Variants in PDE1C observed in about 807,000 individuals in gnomAD.
The protein encoded by PDE1C is dual specificity calcium/calmodulin-dependent 3',5'-cyclic nucleotide phosphodiesterase 1C.
In PDE1C, 62 loss-of-function variants were observed where a neutral mutation model predicts 93.1. That is an observed-to-expected ratio of 0.67 (90% CI 0.54 to 0.82). PDE1C has a LOEUF of 0.82. PDE1C is among the 40% of genes least tolerant of loss of function. PDE1C has a pLI of 0.00. For synonymous variants in PDE1C, 325 were observed against 310.1 expected, an observed-to-expected ratio of 1.05 and a Z score of -0.50; for missense variants, 742 against 884.6, an observed-to-expected ratio of 0.84 and a Z score of 2.04.
At chr7:32,411,391 T>C (rs748750626) in intron 1 of PDE1C, among the ~76,000 whole-genome samples, 3 of 152,222 alleles carry the variant, frequency 2.0e-5, no homozygotes, top group Admixed American at 6.5e-5. Context: ...GCTCCTAGGC[T>C]ACAAACCTAT....
the PDE1C span, among the ~76,000 whole-genome samples, chr7:31,677,428 G>T: frequency 6.6e-6 from 1 of 152,068 alleles, no homozygotes; most frequent in Non-Finnish European, 1.5e-5. Flanking sequence ...GACTGTAATG[G>T]CAAAATTAAA....
chr7:32,417,380 A>G (rs1785296784), intron 1 of PDE1C, among the ~76,000 whole-genome samples: 2 of 152,126 alleles, frequency 1.3e-5, no homozygotes, highest in South Asian at 4.2e-4. Flanking sequence ...CATGTCTAAT[A>G]ATAAAAACAC....
intron 3 of PDE1C, among the ~76,000 whole-genome samples, chr7:32,133,727 A>C (rs1800051605): frequency 6.6e-6 from 1 of 152,178 alleles, no homozygotes; most frequent in South Asian, 2.1e-4. Flanking sequence ...AAAATCTAGA[A>C]TCTCTGCAAT....
At chr7:32,136,710 G>A (rs963499837) in intron 3 of PDE1C, among the ~76,000 whole-genome samples, 4 of 152,166 alleles carry the variant, frequency 2.6e-5, no homozygotes, top group African/African-American at 4.8e-5. Context: ...TGGGAAGGCC[G>A]GAGCTGCTGA....
intron 1 of PDE1C, among the ~76,000 whole-genome samples, chr7:32,220,190 G>A (rs1203287485): frequency 1.3e-5 from 2 of 151,990 alleles, no homozygotes; most frequent in South Asian, 2.1e-4. Context: ...CAAGCTGGTT[G>A]CTCAAGCTGT....
the PDE1C span, among the ~76,000 whole-genome samples, chr7:31,699,710 C>G: frequency 6.6e-6 from 1 of 151,614 alleles, no homozygotes; most frequent in African/African-American, 2.4e-5. Context: ...TCCAGCAGCA[C>G]CATTTTTTCA....
intron 2 of PDE1C, among the ~76,000 whole-genome samples, chr7:32,170,200 G>T (rs143257341): frequency 8.9e-4 from 135 of 152,240 alleles, no homozygotes; most frequent in African/African-American, 2.7e-3. Context: ...TTGCAGTGGT[G>T]ATCAGCCCAA....
chr7:32,103,782 G>A (rs1798152690), intron 3 of PDE1C, among the ~76,000 whole-genome samples: 1 of 152,196 alleles, frequency 6.6e-6, no homozygotes, highest in Admixed American at 6.5e-5. Context: ...ATGCAGGGAA[G>A]AGATGAACTT....
chr7:32,114,162 T>C (rs1322093454), intron 3 of PDE1C, among the ~76,000 whole-genome samples: 1 of 150,754 alleles, frequency 6.6e-6, no homozygotes, highest in Admixed American at 6.6e-5. Flanking sequence ...GAAGACCCCA[T>C]AGACAATCCT....
intron 1 of PDE1C, among the ~76,000 whole-genome samples, chr7:32,406,955 C>A (rs1006037240): frequency 2.0e-5 from 3 of 152,128 alleles, no homozygotes; most frequent in African/African-American, 7.2e-5. Flanking sequence ...ACCACTCAGC[C>A]CCATCGCACA....
chr7:31,877,085 T>A (rs1013323212), intron 5 of PDE1C, among the ~76,000 whole-genome samples: 11 of 152,174 alleles, frequency 7.2e-5, no homozygotes, highest in Non-Finnish European at 4.4e-5. Flanking sequence ...ACAATGGCTT[T>A]AGCAAAGGTC....
Position 32,182,984 on chromosome 7 carries a change from C to G in PDE1C, c.137-13028G>C, listed in dbSNP as rs370009376. Reference sequence around the variant, plus strand: ...ATACAAAATCAATGTGCAAAAATTACAAGCATTCTTATACACCAATAACAG... The same window carrying G: ...ATACAAAATCAATGTGCAAAAATTAGAAGCATTCTTATACACCAATAACAG... On this transcript the variant is annotated intron_variant, in intron 2 of 18. Coordinates refer to the PDE1C transcript ENST00000396193. Among the ~76,000 whole-genome samples the G allele has an allele frequency of 2.7e-4, 41 of 152,266 alleles. No individual in the cohort carries two copies. In the East Asian group the frequency reaches 7.7e-3, roughly 29 times the overall value.
At chr7:32,424,676 T>C (rs1324703616) in intron 1 of PDE1C, among the ~76,000 whole-genome samples, 1 of 151,944 alleles carries the variant, frequency 6.6e-6, no homozygotes, top group Non-Finnish European at 1.5e-5. Context: ...GCTGGGTGTG[T>C]TGGTGCATGC....
At chr7:31,935,185 T>C (rs955906941) in intron 2 of PDE1C, among the ~76,000 whole-genome samples, 1 of 152,182 alleles carries the variant, frequency 6.6e-6, no homozygotes. Flanking sequence ...ACAGAAATAG[T>C]GAAGAGAAGG....
At chr7:32,054,117 G>GA (rs11424010) in intron 1 of PDE1C, among the ~76,000 whole-genome samples, 132,189 of 151,838 alleles carry the variant, frequency 0.87, 57,610 homozygotes, top group Middle Eastern at 0.91. Context: ...TTATATTTTA[G>GA]AAAAGATGAT....
intron 1 of PDE1C, among the ~76,000 whole-genome samples, chr7:32,228,912 TG>T (rs1172566999): frequency 6.6e-6 from 1 of 152,026 alleles, no homozygotes; most frequent in Non-Finnish European, 1.5e-5. Context: ...ACTCTGTCCT[TG>T]GGGGGCTCTC....
intron 17 of PDE1C, among the ~76,000 whole-genome samples, chr7:31,758,202 G>A (rs922105292): frequency 7.9e-5 from 12 of 152,208 alleles, no homozygotes; most frequent in African/African-American, 2.6e-4. Flanking sequence ...TGTAAATGAC[G>A]AGTTAATGGG....
In PDE1C at chr7:32,298,692, CG is replaced by C. The variant is rs780279711; in HGVS notation, c.43del (p.Arg15GlyfsTer14). 2.5e-6 allele frequency: 4 copies of C among 1,607,648 alleles called. No homozygotes were observed. ...GCCATCGATGCTGAAAGTGGCGCTC[CG>C]GCATTTTTTGAAGCCCTCCTTCCTG... On this transcript the variant is annotated frameshift_variant, in exon 1 of 19. Transcript: ENST00000396193. LOFTEE classifies it high-confidence loss of function.
intron 2 of PDE1C, among the ~76,000 whole-genome samples, chr7:31,894,948 T>G (rs1201252238): frequency 6.6e-6 from 1 of 152,150 alleles, no homozygotes; most frequent in East Asian, 1.9e-4. Context: ...AGAGAATGGA[T>G]AGCTGGGGAA....
Sources: gnomAD v4.1 joint callset for allele counts (sites outside exome capture counted in the v4.1 genomes callset) on GRCh38, gnomAD v4.1.1 for gene constraint, MANE v1.5 for transcripts, NCBI Gene and HGNC (gene_info 2026-07-23, HGNC 2026-07-21) for gene names.